The following PTPN2 variants were observed in gnomAD, a reference collection of about 807,000 sequenced individuals.
The protein encoded by PTPN2 is protein tyrosine phosphatase non-receptor type 2.
A neutral mutation model predicts 57.3 loss-of-function variants in PTPN2; 19 were observed. The ratio of observed to expected loss-of-function variants is 0.33; its 90% CI spans 0.23 to 0.49. The LOEUF (loss-of-function observed/expected upper bound fraction) is 0.49, where lower values mean the gene tolerates loss of function less well. Among genes scored for constraint, PTPN2 ranks in the 20% least tolerant of loss-of-function variants. The probability of loss-of-function intolerance (pLI) is 0.99; values close to 1 mark genes in which losing one functional copy is unlikely to be tolerated. For missense variants in PTPN2, 358 were observed against 501.1 expected (o/e 0.71, Z 2.73); for synonymous variants, 153 against 164.9 (o/e 0.93, Z 0.55).
intron 4 of PTPN2, among the ~76,000 whole-genome samples, 181 bp from the exon 5 acceptor site, chr18:12,826,125 G>A (rs1264665585): frequency 2.0e-5 from 3 of 152,142 alleles, no homozygotes; most frequent in Non-Finnish European, 4.4e-5. Flanking sequence ...TTTTATAGCC[G>A]GGCGCGGTGA....
downstream of PTPN2, among the ~76,000 whole-genome samples, chr18:12,788,677 C>T (rs1568068689): frequency 6.6e-6 from 1 of 151,952 alleles, no homozygotes; most frequent in South Asian, 2.1e-4. Flanking sequence ...TTACAGTCGG[C>T]GATGGCTTCA....
At chr18:12,822,711 T>C (rs2042313001) in intron 5 of PTPN2, among the ~76,000 whole-genome samples, 1 of 152,188 alleles carries the variant, frequency 6.6e-6, no homozygotes, top group African/African-American at 2.4e-5. Context: ...GTGTTGAGAT[T>C]GGCTATCAGC....
chr18:12,831,148 G>A (rs539343818), intron 3 of PTPN2, 107 bp from the exon 4 acceptor site: 77 of 662,272 alleles, frequency 1.2e-4, no homozygotes, highest in Admixed American at 1.1e-3. Context: ...GACAGACAGC[G>A]GACGGGCTTA....
At chr18:12,858,468 A>T (rs146086065) in intron 2 of PTPN2, among the ~76,000 whole-genome samples, 2 of 152,346 alleles carry the variant, frequency 1.3e-5, no homozygotes, top group East Asian at 3.9e-4. Flanking sequence ...CTGTGTGTGT[A>T]TACATCATAA....
At chr18:12,820,713 C>T (rs988370877) in intron 5 of PTPN2, among the ~76,000 whole-genome samples, 5 of 152,214 alleles carry the variant, frequency 3.3e-5, no homozygotes, top group South Asian at 4.1e-4. Flanking sequence ...TACACACACG[C>T]GGGTTGCACC....
chr18:12,805,780 C>G (rs756258976), intron 7 of PTPN2, among the ~76,000 whole-genome samples: 1 of 151,682 alleles, frequency 6.6e-6, no homozygotes, highest in Non-Finnish European at 1.5e-5. Flanking sequence ...CAGGCGCGTG[C>G]CAGCATACCC....
At chr18:12,859,308 A>G in intron 1 of PTPN2, 54 bp from the exon 2 acceptor site, 1 of 1,226,992 alleles carries the variant, frequency 8.2e-7, no homozygotes, top group East Asian at 2.5e-5. Context: ...CCACAGCAAA[A>G]CTTATCTTCC....
rs78867031 is a variant in PTPN2, at chr18:12,816,648, A to G, written c.705+508T>C. On this transcript the variant is annotated intron_variant, in intron 6 of 8. Transcript: ENST00000309660. ...GGAGAAAGAATTAGCCGTTGGGGGC[A>G]CAGACAGGAACCTCAGGGGAGTAAC... 2.4e-3 allele frequency among the ~76,000 whole-genome samples: 367 copies of G among 152,288 alleles called. 3 individuals carry two copies. Among genetic ancestry groups the G allele is most frequent in the African/African-American group, 8.0e-3 (332 of 41,562 alleles).
chr18:12,854,370 A>AAG (rs989648591), intron 2 of PTPN2, among the ~76,000 whole-genome samples: 13 of 149,978 alleles, frequency 8.7e-5, no homozygotes, highest in Non-Finnish European at 1.5e-4. Flanking sequence ...GAAAAAAAAA[A>AAG]AAAAAGAAAA....
intron 3 of PTPN2, among the ~76,000 whole-genome samples, chr18:12,831,453 A>G (rs1187189830): frequency 1.3e-5 from 2 of 152,202 alleles, no homozygotes; most frequent in Non-Finnish European, 1.5e-5. Context: ...GAAGGTGGCT[A>G]TAGTATTCAT....
chr18:12,883,903 C>T (rs2044759631), intron 1 of PTPN2, 170 bp downstream of exon 1: 2 of 478,610 alleles, frequency 4.2e-6, no homozygotes, highest in Admixed American at 4.1e-5. Flanking sequence ...CCAAAAGGAG[C>T]AAGAGAGCGG....
At chr18:12,827,050 A>C (rs2042491909) in intron 4 of PTPN2, among the ~76,000 whole-genome samples, 1 of 152,122 alleles carries the variant, frequency 6.6e-6, no homozygotes, top group African/African-American at 2.4e-5. Context: ...TATCTTCAAA[A>C]TAAATGTTGC....
chr18:12,807,153 A>G (rs1241664444), intron 7 of PTPN2, among the ~76,000 whole-genome samples: 2 of 152,196 alleles, frequency 1.3e-5, no homozygotes, highest in African/African-American at 4.8e-5. Context: ...CTTAAAAGAC[A>G]TACAAAGAGC....
At chr18:12,883,973 T>TAGAGGCG (rs1555682727) in intron 1 of PTPN2, 100 bp downstream of exon 1, 36 of 1,087,414 alleles carry the variant, frequency 3.3e-5, no homozygotes, top group East Asian at 1.5e-4. Flanking sequence ...AGCGAGAGGC[T>TAGAGGCG]AGAGGCGAGA....
chr18:12,793,402 A>G lies in PTPN2; in HGVS notation c.*876T>C. On this transcript the variant is annotated 3_prime_UTR_variant, in exon 9 of 9. Transcript: ENST00000309660. Reference sequence around the variant, plus strand: ...TCATAATCTACCCCAACTACATTGAAATTTTCATGAAAAATAAACATATCA... The same window carrying G: ...TCATAATCTACCCCAACTACATTGAGATTTTCATGAAAAATAAACATATCA... 1.0e-6 allele frequency: 1 copy of G among 979,322 alleles called. No individual in the cohort carries two copies. The highest frequency in any genetic ancestry group is 1.2e-6 in the Non-Finnish European group (1 of 823,852). 60.7% of individuals were successfully genotyped at this position (979,322 alleles called of 1,614,324 possible).
chr18:12,837,868 T>C (rs1193750640), intron 2 of PTPN2, among the ~76,000 whole-genome samples: 1 of 152,228 alleles, frequency 6.6e-6, no homozygotes, highest in Admixed American at 6.5e-5. Flanking sequence ...ATGTTTCTGC[T>C]GGACTGAACC....
intron 4 of PTPN2, 148 bp downstream of exon 4, chr18:12,830,795 A>T: frequency 1.9e-6 from 1 of 523,026 alleles, no homozygotes; most frequent in Non-Finnish European, 3.5e-6. Context: ...AGGATACATG[A>T]GTTTTTCCGG....
chr18:12,841,150 A>G (rs1015818932), intron 2 of PTPN2, among the ~76,000 whole-genome samples: 1 of 152,222 alleles, frequency 6.6e-6, no homozygotes, highest in Non-Finnish European at 1.5e-5. Flanking sequence ...TGCTACCTGA[A>G]TAGGCCTAGT....
intron 4 of PTPN2, among the ~76,000 whole-genome samples, chr18:12,826,866 G>A (rs1047878684): frequency 5.3e-5 from 8 of 152,012 alleles, no homozygotes; most frequent in Admixed American, 5.2e-4. Context: ...ACCATGTCCG[G>A]TCTTATAAGG....
Sources: allele counts gnomAD v4.1 joint callset (sites outside exome capture counted in the v4.1 genomes callset), GRCh38; gene constraint gnomAD v4.1.1; transcripts MANE v1.5; gene names NCBI Gene and HGNC (gene_info 2026-07-23, HGNC 2026-07-21).